The following CDH2 variants were observed in gnomAD, a reference collection of about 807,000 sequenced individuals.
CDH2 encodes cadherin-2.
CDH2 carries 17 observed loss-of-function variants against 92.0 expected under a neutral mutation model. That is an observed-to-expected ratio of 0.18 (90% CI 0.13 to 0.28). The LOEUF is 0.28. CDH2 is among the 10% of genes least tolerant of loss of function. The pLI, the probability that CDH2 is intolerant of heterozygous loss-of-function variation, is 1.00. For missense variants in CDH2, 862 were observed against 1,133.1 expected (o/e 0.76, Z 3.44); for synonymous variants, 419 against 415.9 (o/e 1.01, Z -0.09).
intron 1 of CDH2, among the ~76,000 whole-genome samples, chr18:28,158,049 C>T (rs2016249003): frequency 6.6e-6 from 1 of 152,116 alleles, no homozygotes; most frequent in Non-Finnish European, 1.5e-5. Context: ...TTTCATAAAA[C>T]CTGGAGCATG....
intron 14 of CDH2, among the ~76,000 whole-genome samples, chr18:27,981,246 C>T (rs1299915566): frequency 2.0e-5 from 3 of 151,988 alleles, no homozygotes; most frequent in African/African-American, 4.8e-5. Flanking sequence ...AAATAAAATA[C>T]TGGAAGTAGA....
chr18:28,132,018 A>C (rs2015780004), intron 2 of CDH2, among the ~76,000 whole-genome samples: 1 of 152,158 alleles, frequency 6.6e-6, no homozygotes, highest in Non-Finnish European at 1.5e-5. Context: ...CTGCCTTACA[A>C]AGGTGACCTC....
chr18:28,110,439 C>T (rs1031182926), intron 2 of CDH2, among the ~76,000 whole-genome samples: 2 of 152,118 alleles, frequency 1.3e-5, no homozygotes, highest in Admixed American at 6.6e-5. Flanking sequence ...GGGAGTAATG[C>T]AGACAGACCA....
intron 14 of CDH2, among the ~76,000 whole-genome samples, chr18:27,970,152 T>G (rs1437351558): frequency 6.6e-6 from 1 of 152,170 alleles, no homozygotes; most frequent in East Asian, 1.9e-4. Context: ...TTCAGAAAGA[T>G]GGAGCACTGG....
chr18:28,138,947 A>G, intron 2 of CDH2, among the ~76,000 whole-genome samples: 1 of 152,096 alleles, frequency 6.6e-6, no homozygotes, highest in East Asian at 1.9e-4. Context: ...GAGTGACAGT[A>G]GTATTCTTGC....
intron 6 of CDH2, among the ~76,000 whole-genome samples, chr18:27,944,754 TAAAAAAA>T (rs869217652): frequency 2.4e-5 from 2 of 83,570 alleles, no homozygotes; most frequent in African/African-American, 4.7e-5. Context: ...ACTTCCTTTC[TAAAAAAA>T]AAAAAAAAAA....
intron 6 of CDH2, among the ~76,000 whole-genome samples, chr18:27,942,584 A>G (rs1482975376): frequency 1.3e-5 from 2 of 152,224 alleles, no homozygotes; most frequent in Non-Finnish European, 2.9e-5. Flanking sequence ...CTGGAAGGCC[A>G]AGAGTTAGTA....
intron 15 of CDH2, among the ~76,000 whole-genome samples, chr18:27,962,079 A>AATC (rs1424705111): frequency 2.0e-5 from 3 of 152,236 alleles, no homozygotes; most frequent in African/African-American, 7.2e-5. Flanking sequence ...TTAGAAATAA[A>AATC]ATCATCAGGC....
intron 2 of CDH2, among the ~76,000 whole-genome samples, chr18:28,026,558 T>G (rs1013265772): frequency 2.0e-5 from 3 of 152,094 alleles, no homozygotes; most frequent in African/African-American, 7.2e-5. Context: ...ACCACCACTC[T>G]CCTAGAGATC....
intron 2 of CDH2, among the ~76,000 whole-genome samples, chr18:28,018,341 A>G (rs550120687): frequency 6.6e-6 from 1 of 152,270 alleles, no homozygotes; most frequent in South Asian, 2.1e-4. Context: ...AATTCAATGC[A>G]ATTCCCATCA....
At chr18:28,034,504 C>G (rs2013777166) in intron 2 of CDH2, among the ~76,000 whole-genome samples, 1 of 151,962 alleles carries the variant, frequency 6.6e-6, no homozygotes, top group South Asian at 2.1e-4. Flanking sequence ...ATTCCAGGAA[C>G]TACAGATGAA....
chr18:28,139,800 T>C (rs750694330), intron 2 of CDH2, among the ~76,000 whole-genome samples: 15 of 152,032 alleles, frequency 9.9e-5, no homozygotes, highest in Non-Finnish European at 1.8e-4. Flanking sequence ...AGGCTTCTCG[T>C]CCTCACATTC....
intron 2 of CDH2, among the ~76,000 whole-genome samples, chr18:28,057,016 C>T (rs187891943): frequency 5.0e-4 from 76 of 152,182 alleles, no homozygotes; most frequent in African/African-American, 1.7e-3. Context: ...TCCTTGTCAA[C>T]GGCATCATTA....
intron 14 of CDH2, among the ~76,000 whole-genome samples, chr18:27,972,921 A>G (rs1296014695): frequency 1.3e-5 from 2 of 152,226 alleles, no homozygotes; most frequent in Non-Finnish European, 2.9e-5. Context: ...AGATGTCTTG[A>G]GATGAATCTT....
At chr18:28,129,875 T>C (rs2015738087) in intron 2 of CDH2, among the ~76,000 whole-genome samples, 1 of 152,200 alleles carries the variant, frequency 6.6e-6, no homozygotes, top group African/African-American at 2.4e-5. Context: ...ACATAATTTA[T>C]AGATCTTTCT....
chr18:28,006,337 G>A (rs1180713084), intron 5 of CDH2, among the ~76,000 whole-genome samples: 2 of 152,128 alleles, frequency 1.3e-5, no homozygotes, highest in East Asian at 3.9e-4. Context: ...TGTCTCTGCT[G>A]ACAGGACTTA....
chr18:27,999,389 C>A (rs181730672), intron 7 of CDH2, among the ~76,000 whole-genome samples: 13 of 152,204 alleles, frequency 8.5e-5, no homozygotes, highest in Admixed American at 8.5e-4. Context: ...GATTATGAAG[C>A]AACCTGTAGA....
intron 2 of CDH2, among the ~76,000 whole-genome samples, chr18:28,031,907 A>T (rs1351806674): frequency 6.6e-6 from 1 of 152,148 alleles, no homozygotes; most frequent in Non-Finnish European, 1.5e-5. Flanking sequence ...AATGAATAAA[A>T]GGAACATGAG....
intron 6 of CDH2, among the ~76,000 whole-genome samples, chr18:27,942,863 G>A (rs766501289): frequency 6.6e-6 from 1 of 152,080 alleles, no homozygotes; most frequent in Non-Finnish European, 1.5e-5. Flanking sequence ...CAGCTTTCTA[G>A]GCCCTGGAGA....
Sources: allele counts gnomAD v4.1 joint callset (sites outside exome capture counted in the v4.1 genomes callset), GRCh38; gene constraint gnomAD v4.1.1; transcripts MANE v1.5; gene names NCBI Gene and HGNC (gene_info 2026-07-23, HGNC 2026-07-21).